FBXW7: variants seen among roughly 807,000 people sequenced by gnomAD.
The protein encoded by FBXW7 is F-box and WD repeat domain containing 7.
FBXW7 carries 11 observed loss-of-function variants against 86.3 expected under a neutral mutation model. The ratio of observed to expected loss-of-function variants is 0.13; its 90% confidence interval spans 0.08 to 0.21. The LOEUF is 0.21. FBXW7 is among the 10% of genes least tolerant of loss of function. The probability of loss-of-function intolerance (pLI) is 1.00; values close to 1 mark genes in which losing one functional copy is unlikely to be tolerated. For missense variants in FBXW7, 488 were observed against 847.4 expected (o/e 0.58, Z 5.27); for synonymous variants, 313 against 297.9 (o/e 1.05, Z -0.52).
intron 2 of FBXW7, among the ~76,000 whole-genome samples, chr4:152,472,050 G>A (rs1428463101): frequency 1.3e-5 from 2 of 151,746 alleles, no homozygotes; most frequent in African/African-American, 2.4e-5. Context: ...AAAACAAACC[G>A]ATTTTTAAGA....
intron 4 of FBXW7, among the ~76,000 whole-genome samples, chr4:152,372,188 T>C (rs965540628): frequency 1.3e-5 from 2 of 152,018 alleles, no homozygotes; most frequent in African/African-American, 2.4e-5. Flanking sequence ...ATTAGGTTAA[T>C]AAACTTTAGG....
At chr4:152,373,776 T>C (rs1560820192) in intron 4 of FBXW7, among the ~76,000 whole-genome samples, 1 of 152,066 alleles carries the variant, frequency 6.6e-6, no homozygotes, top group African/African-American at 2.4e-5. Flanking sequence ...TGTACTATAA[T>C]GGTTTGTTTG....
At chr4:152,382,515 G>A in intron 4 of FBXW7, 1 of 1,182,786 alleles carries the variant, frequency 8.5e-7, no homozygotes, top group African/African-American at 1.6e-5. Context: ...ACCTGTCTGA[G>A]GCTTGGTGAA....
At chr4:152,389,115 T>C (rs1735783176) in intron 4 of FBXW7, among the ~76,000 whole-genome samples, 1 of 151,902 alleles carries the variant, frequency 6.6e-6, no homozygotes, top group Non-Finnish European at 1.5e-5. Flanking sequence ...ATGGCTATTA[T>C]TAAAAAGACA....
intron 2 of FBXW7, among the ~76,000 whole-genome samples, chr4:152,446,827 G>A (rs1464144938): frequency 1.3e-5 from 2 of 152,134 alleles, no homozygotes; most frequent in South Asian, 2.1e-4. Flanking sequence ...ATTTGCTGGT[G>A]GCCCATCATT....
chr4:152,334,598 A>G (rs370471699), intron 7 of FBXW7, among the ~76,000 whole-genome samples: 44 of 152,360 alleles, frequency 2.9e-4, no homozygotes, highest in African/African-American at 9.9e-4. Context: ...TAGTCAATGT[A>G]TCTTAAAGAC....
chr4:152,421,993 C>T (rs576628407), intron 2 of FBXW7, among the ~76,000 whole-genome samples: 1 of 151,586 alleles, frequency 6.6e-6, no homozygotes, highest in African/African-American at 2.4e-5. Context: ...CCAGAATTAC[C>T]AAAATGGGAC....
Position 152,500,496 on chromosome 4 carries a change from C to CAAAA in FBXW7, c.-120+34441_-120+34444dup, listed in dbSNP as rs34375454. Among the ~76,000 whole-genome samples the CAAAA allele has an allele frequency of 1.5e-3, 112 of 72,856 alleles. 2 individuals carry two copies. The highest frequency in any genetic ancestry group is 4.0e-3 in the East Asian group (9 of 2,228). The allele number at this position is 72,856 out of a possible 152,430, so 47.8% of individuals were successfully genotyped here. A position where few individuals can be genotyped will look rare whatever the true frequency, so the allele number is the denominator to read the frequency against. ...CCTGAAGGTTTTGCTGCTTTGTCAG[C>CAAAA]AAAAAAAAAAAAAAAAAAAAAAAAC... On this transcript the variant is annotated intron_variant, in intron 2 of 13. Transcript: ENST00000281708.
At chr4:152,497,492 TAA>T (rs1052259716) in intron 2 of FBXW7, among the ~76,000 whole-genome samples, 5 of 151,372 alleles carry the variant, frequency 3.3e-5, no homozygotes, top group Non-Finnish European at 7.4e-5. Context: ...GCAAAGAACA[TAA>T]AAGATTCACA....
At chr4:152,490,775 T>C (rs1441770402) in intron 2 of FBXW7, among the ~76,000 whole-genome samples, 2 of 152,182 alleles carry the variant, frequency 1.3e-5, no homozygotes, top group African/African-American at 4.8e-5. Context: ...TTTAATGGTA[T>C]AATTATAAGC....
chr4:152,442,620 A>G (rs944133132), intron 2 of FBXW7, among the ~76,000 whole-genome samples: 3 of 152,242 alleles, frequency 2.0e-5, no homozygotes, highest in Non-Finnish European at 4.4e-5. Flanking sequence ...GCCAGTACAC[A>G]TGTACTGACC....
At chr4:152,327,779 T>C (rs931981368) in intron 11 of FBXW7, among the ~76,000 whole-genome samples, 2 of 151,900 alleles carry the variant, frequency 1.3e-5, no homozygotes, top group East Asian at 3.9e-4. Flanking sequence ...GGCCTCAGCT[T>C]TTGCCTAGAC....
intron 2 of FBXW7, among the ~76,000 whole-genome samples, chr4:152,450,421 T>C (rs556462889): frequency 1.3e-5 from 2 of 152,336 alleles, no homozygotes; most frequent in Admixed American, 6.5e-5. Context: ...TCTGAAGTAC[T>C]ATCAAATCTG....
chr4:152,326,429 G>A (rs1399472782), intron 11 of FBXW7, among the ~76,000 whole-genome samples, 198 bp from the exon 12 acceptor site: 1 of 150,734 alleles, frequency 6.6e-6, no homozygotes, highest in Non-Finnish European at 1.5e-5. Flanking sequence ...ATGGGAAGTT[G>A]GGAAGCCTAG....
intron 4 of FBXW7, among the ~76,000 whole-genome samples, chr4:152,385,740 CA>C (rs1467309469): frequency 1.3e-5 from 2 of 151,914 alleles, no homozygotes; most frequent in African/African-American, 2.4e-5. Flanking sequence ...CATTCTAATT[CA>C]ATTATTATTT....
intron 2 of FBXW7, among the ~76,000 whole-genome samples, chr4:152,533,203 AT>A (rs1373053260): frequency 6.6e-6 from 1 of 151,926 alleles, no homozygotes; most frequent in African/African-American, 2.4e-5. Flanking sequence ...AAAAAAAAAA[AT>A]ACCGTAATTT....
At chr4:152,378,742 C>G (rs1734786664) in intron 4 of FBXW7, among the ~76,000 whole-genome samples, 1 of 152,130 alleles carries the variant, frequency 6.6e-6, no homozygotes, top group South Asian at 2.1e-4. Flanking sequence ...GTGGTTCATG[C>G]CTGTAGTCCC....
chr4:152,492,486 A>G (rs1336206152), intron 2 of FBXW7, among the ~76,000 whole-genome samples: 3 of 152,164 alleles, frequency 2.0e-5, no homozygotes, highest in Non-Finnish European at 4.4e-5. Flanking sequence ...CCCATTTTAT[A>G]CTCACACCAG....
At chr4:152,374,762 T>C (rs1011921633) in intron 4 of FBXW7, among the ~76,000 whole-genome samples, 14 of 151,616 alleles carry the variant, frequency 9.2e-5, no homozygotes, top group Non-Finnish European at 1.6e-4. Flanking sequence ...AGGACAACAG[T>C]GGATGAAACC....
Sources: allele counts gnomAD v4.1 joint callset (sites outside exome capture counted in the v4.1 genomes callset), GRCh38; gene constraint gnomAD v4.1.1; transcripts MANE v1.5; gene names NCBI Gene and HGNC (gene_info 2026-07-23, HGNC 2026-07-21).